FMNL2: variants seen among roughly 807,000 people sequenced by gnomAD.
FMNL2 encodes formin like 2.
FMNL2 carries 51 observed loss-of-function variants against 130.2 expected under a neutral mutation model. That is an observed-to-expected ratio of 0.39 (90% CI 0.31 to 0.49). The LOEUF (loss-of-function observed/expected upper bound fraction) is 0.49. Among genes scored for constraint, FMNL2 ranks in the 20% least tolerant of loss-of-function variants. The pLI is 0.85. For synonymous variants in FMNL2, 465 were observed against 467.1 expected (o/e 1.00, Z 0.06); for missense variants, 977 against 1,316.2 (o/e 0.74, Z 3.99).
intron 2 of FMNL2, among the ~76,000 whole-genome samples, chr2:152,528,287 G>T (rs1451213907): frequency 6.6e-6 from 1 of 152,094 alleles, no homozygotes; most frequent in Non-Finnish European, 1.5e-5. Context: ...CTATCTTAGC[G>T]TCCTACGGCT....
At chr2:152,432,317 A>T (rs145256866) in intron 1 of FMNL2, among the ~76,000 whole-genome samples, 2 of 152,194 alleles carry the variant, frequency 1.3e-5, no homozygotes, top group Non-Finnish European at 2.9e-5. Flanking sequence ...TGACATCATG[A>T]TTCAATCATT....
chr2:152,452,905 A>G (rs1483166369), intron 1 of FMNL2, among the ~76,000 whole-genome samples: 1 of 150,662 alleles, frequency 6.6e-6, no homozygotes, highest in Non-Finnish European at 1.5e-5. Flanking sequence ...TGGATTAGAA[A>G]GGAAATATGG....
intron 1 of FMNL2, among the ~76,000 whole-genome samples, chr2:152,442,924 C>T (rs187021668): frequency 1.9e-4 from 29 of 152,298 alleles, no homozygotes; most frequent in Admixed American, 3.9e-4. Flanking sequence ...GCATTTCTAA[C>T]AAGTTCCCAG....
chr2:152,593,929 G>A (rs1697615771), intron 9 of FMNL2, among the ~76,000 whole-genome samples: 2 of 140,838 alleles, frequency 1.4e-5, no homozygotes, highest in Middle Eastern at 3.4e-3. Context: ...GAGAGAGAGC[G>A]AGAGAGAGCC....
At chr2:152,349,103 G>A (rs1682315824) in intron 1 of FMNL2, among the ~76,000 whole-genome samples, 1 of 125,714 alleles carries the variant, frequency 8.0e-6, no homozygotes, top group Admixed American at 7.3e-5. Flanking sequence ...CCAAAGTGCT[G>A]GGATTACAGG....
intron 1 of FMNL2, among the ~76,000 whole-genome samples, chr2:152,433,059 C>T (rs1431238066): frequency 6.6e-6 from 1 of 152,160 alleles, no homozygotes; most frequent in East Asian, 1.9e-4. Context: ...AGGTATTTAT[C>T]TATCTGTCAT....
intron 3 of FMNL2, among the ~76,000 whole-genome samples, chr2:152,544,528 C>T (rs1241188498): frequency 4.6e-5 from 7 of 152,152 alleles, no homozygotes; most frequent in Admixed American, 1.3e-4. Flanking sequence ...GTTTTAGAAT[C>T]GATTTCTAAA....
intron 15 of FMNL2, among the ~76,000 whole-genome samples, chr2:152,623,025 C>T (rs2105907931): frequency 6.6e-6 from 1 of 152,218 alleles, no homozygotes; most frequent in East Asian, 1.9e-4. Flanking sequence ...CTCCTCTTCC[C>T]ACTCCCACCC....
At chr2:152,571,970 C>T (rs1035710040) in intron 6 of FMNL2, among the ~76,000 whole-genome samples, 3 of 151,744 alleles carry the variant, frequency 2.0e-5, no homozygotes, top group Non-Finnish European at 4.4e-5. Flanking sequence ...CAATTAGCCT[C>T]ATCTTTTTTT....
chr2:152,524,017 G>C (rs1693249751), intron 2 of FMNL2, among the ~76,000 whole-genome samples: 3 of 152,120 alleles, frequency 2.0e-5, no homozygotes, highest in Admixed American at 2.0e-4. Flanking sequence ...GAAGTTTGCT[G>C]TTTCCATATC....
At chr2:152,555,070 G>A (rs919487334) in intron 4 of FMNL2, among the ~76,000 whole-genome samples, 2 of 152,186 alleles carry the variant, frequency 1.3e-5, no homozygotes, top group Non-Finnish European at 2.9e-5. Context: ...TGCACGGAGT[G>A]ACAAATACAA....
chr2:152,370,812 G>A (rs1167384008), intron 1 of FMNL2, among the ~76,000 whole-genome samples: 1 of 152,204 alleles, frequency 6.6e-6, no homozygotes, highest in African/African-American at 2.4e-5. Flanking sequence ...CTACTGCAAA[G>A]CTAGAGGCTT....
chr2:152,441,830 G>A (rs915654317), intron 1 of FMNL2, among the ~76,000 whole-genome samples: 4 of 114,816 alleles, frequency 3.5e-5, no homozygotes, highest in African/African-American at 4.9e-5. Context: ...GCGACACTCC[G>A]TCTCAAAAAA....
chr2:152,442,357 T>C (rs1057514103), intron 1 of FMNL2, among the ~76,000 whole-genome samples: 11 of 151,980 alleles, frequency 7.2e-5, no homozygotes, highest in Admixed American at 7.2e-4. Flanking sequence ...GTTTAAGTGA[T>C]TCTCCTGCCT....
intron 1 of FMNL2, among the ~76,000 whole-genome samples, chr2:152,377,934 C>T (rs553656349): frequency 2.1e-3 from 322 of 151,828 alleles, no homozygotes; most frequent in African/African-American, 7.4e-3. Flanking sequence ...AAGTTCAAGA[C>T]CACCCTGCCT....
At chr2:152,469,766 A>T (rs1689755321) in intron 1 of FMNL2, among the ~76,000 whole-genome samples, 1 of 152,220 alleles carries the variant, frequency 6.6e-6, no homozygotes, top group African/African-American at 2.4e-5. Context: ...TTAAAAAGAA[A>T]ATAATGTCTC....
intron 9 of FMNL2, among the ~76,000 whole-genome samples, chr2:152,606,280 T>G (rs1368577894): frequency 2.0e-5 from 3 of 152,236 alleles, no homozygotes; most frequent in African/African-American, 7.2e-5. Context: ...GACTGTGTCT[T>G]ACTAATGCAG....
chr2:152,479,688 A>G (rs2105224866), intron 1 of FMNL2, among the ~76,000 whole-genome samples: 1 of 148,750 alleles, frequency 6.7e-6, no homozygotes, highest in South Asian at 2.1e-4. Flanking sequence ...TATAACTGGG[A>G]GATTGATGGA....
intron 9 of FMNL2, among the ~76,000 whole-genome samples, chr2:152,596,738 T>G (rs1697792525): frequency 6.6e-6 from 1 of 152,216 alleles, no homozygotes; most frequent in African/African-American, 2.4e-5. Context: ...TTTAGTCACT[T>G]CTGCTGTTGT....
Sources: allele counts gnomAD v4.1 joint callset (sites outside exome capture counted in the v4.1 genomes callset), GRCh38; gene constraint gnomAD v4.1.1; transcripts MANE v1.5; gene names NCBI Gene and HGNC (gene_info 2026-07-23, HGNC 2026-07-21).